The following ST6GALNAC2 variants were observed in gnomAD, a reference collection of about 807,000 sequenced individuals.
ST6GALNAC2 encodes the protein ST6 N-acetylgalactosaminide alpha-2,6-sialyltransferase 2.
A neutral mutation model predicts 38.7 loss-of-function variants in ST6GALNAC2; 42 were observed. The observed-to-expected ratio is 1.09, with a 90% CI of 0.85 to 1.40. The LOEUF (loss-of-function observed/expected upper bound fraction) is 1.40. ST6GALNAC2 is among the 40% of genes most tolerant of loss of function. The probability of loss-of-function intolerance (pLI) is 0.00; values close to 1 mark genes in which losing one functional copy is unlikely to be tolerated. For missense variants in ST6GALNAC2, 506 were observed against 481.7 expected (o/e 1.05, Z -0.47); for synonymous variants, 233 against 209.0 (o/e 1.11, Z -0.99).
rs1040031568 is a variant in ST6GALNAC2 at position 76,573,407 on chromosome 17, G to A, written c.362-44C>T. 4.8e-6 allele frequency: 7 copies of A among 1,463,180 alleles called. No homozygotes were observed. Among genetic ancestry groups the A allele is most frequent in the Middle Eastern group, 2.5e-4 (1 of 4,032 alleles). 90.6% of individuals were successfully genotyped at this position (1,463,180 alleles called of 1,614,324 possible). A position where few individuals can be genotyped will look rare whatever the true frequency, so the allele number is the denominator to read the frequency against. ...AGCAGCCATGAGGAGGGCTGGCATC[G>A]GGGGCACCTGGGGCCTTCCCTAGGC... On this transcript the variant is annotated intron_variant, in intron 3 of 8. Transcript: ENST00000225276. This position sits in a 1 kb window ranked among gnomAD's most constrained non-coding sequence, Gnocchi z 5.1.
At chr17:76,568,410 C>T (rs890283742) in intron 7 of ST6GALNAC2, 8 of 419,294 alleles carry the variant, frequency 1.9e-5, no homozygotes, top group African/African-American at 8.0e-5. Flanking sequence ...CTGCTGACGG[C>T]GCCACTGCTG....
At position 76,585,846 on chromosome 17, in the gene ST6GALNAC2, C is replaced by A; in HGVS notation, c.-38G>T. 6.6e-7 allele frequency: 1 copy of A among 1,514,340 alleles called. No homozygotes were observed. The highest frequency in any genetic ancestry group is 2.7e-5 in the East Asian group (1 of 37,198). 93.8% of individuals were successfully genotyped at this position (1,514,340 alleles called of 1,614,324 possible). A position where few individuals can be genotyped will look rare whatever the true frequency, so the allele number is the denominator to read the frequency against. On this transcript the variant is annotated 5_prime_UTR_variant, in exon 1 of 9. Coordinates refer to ENST00000225276, the MANE Select transcript of ST6GALNAC2 (RefSeq NM_006456.3). ...CGCGAGCGCCCCGTCCGCTGACGTC[C>A]CAGGCAGAAGGGAGAGAACCGGGTG...
At chr17:76,581,418 G>A (rs2075473878) in intron 1 of ST6GALNAC2, among the ~76,000 whole-genome samples, 1 of 152,052 alleles carries the variant, frequency 6.6e-6, no homozygotes, top group South Asian at 2.1e-4. Flanking sequence ...GGGGTCGGGG[G>A]AGGGCATTGG....
intron 8 of ST6GALNAC2, 64 bp from the exon 9 acceptor site, chr17:76,566,335 G>A: frequency 6.5e-7 from 1 of 1,547,996 alleles, no homozygotes; most frequent in Non-Finnish European, 8.9e-7. Context: ...ACACTTGGGT[G>A]AAGTGACATG....
intron 6 of ST6GALNAC2, 38 bp from the exon 7 acceptor site, chr17:76,568,834 C>A (rs1252103279): frequency 1.9e-6 from 3 of 1,604,928 alleles, no homozygotes; most frequent in South Asian, 2.2e-5. Context: ...GCGCCCAGAG[C>A]CGTCGTATTG....
intron 1 of ST6GALNAC2, among the ~76,000 whole-genome samples, chr17:76,583,383 A>AAAAAAAAAAAG (rs2075503171): frequency 6.6e-6 from 1 of 151,304 alleles, no homozygotes; most frequent in African/African-American, 2.4e-5. Flanking sequence ...CCCAAAAAAA[A>AAAAAAAAAAAG]AAAGAAGATA....
At chr17:76,582,162 GCCTTTTTTTTTTTTT>G (rs2075485303) in intron 1 of ST6GALNAC2, among the ~76,000 whole-genome samples, 2 of 114,842 alleles carry the variant, frequency 1.7e-5, no homozygotes, top group African/African-American at 3.2e-5. Context: ...ACCGTGCCCA[GCCTTTTTTTTTTTTT>G]TTTTTTTTTT....
chr17:76,584,611 G>GGACT (rs2075521741), intron 1 of ST6GALNAC2, among the ~76,000 whole-genome samples: 3 of 152,124 alleles, frequency 2.0e-5, no homozygotes, highest in African/African-American at 7.2e-5. Context: ...CAGAGTGCTG[G>GGACT]GACTACAGGC....
At position 76,566,269 on chromosome 17, in the gene ST6GALNAC2, G is replaced by C; in HGVS notation, c.960C>G (p.Val320=). ...LLTALHTCDQ[V]SAYGFITSNY... is the part of the protein sequence containing the mutation. The stretch of plus-strand genomic sequence containing the variant: ...TGCTTGTGATGAATCCATAGGCACT[G>C]ACCTGGGCAAGGATAGTCGCTGGAT... Residue 320 remains valine (V), a splice_region_variant and synonymous_variant, in exon 9 of 9, where the codon GTC becomes GTG. Coordinates refer to ENST00000225276, the MANE Select transcript of ST6GALNAC2 (RefSeq NM_006456.3). 6.2e-7 allele frequency: 1 copy of C among 1,614,078 alleles called. No individual in the cohort carries two copies. The highest frequency in any genetic ancestry group is 8.5e-7 in the Non-Finnish European group (1 of 1,179,996).
At chr17:76,571,782 C>T (rs761203570) in intron 5 of ST6GALNAC2, among the ~76,000 whole-genome samples, 8 of 152,126 alleles carry the variant, frequency 5.3e-5, no homozygotes, top group Non-Finnish European at 8.8e-5. Context: ...CCTGAGATCC[C>T]CTAACCCTGT....
At chr17:76,567,382 CAG>C (rs937280733) in intron 8 of ST6GALNAC2, 69 bp downstream of exon 8, 19 of 1,129,880 alleles carry the variant, frequency 1.7e-5, no homozygotes, top group Admixed American at 8.8e-5. Flanking sequence ...TAAGGGATAT[CAG>C]GGGATCCTGT....
chr17:76,570,427 T>G, intron 6 of ST6GALNAC2, 138 bp downstream of exon 6: 1 of 621,480 alleles, frequency 1.6e-6, no homozygotes, highest in Non-Finnish European at 2.9e-6. Flanking sequence ...TGGGGATGAT[T>G]GAATTCTTAG....
At chr17:76,576,938 C>T (rs1407051661) in intron 2 of ST6GALNAC2, among the ~76,000 whole-genome samples, 1 of 148,368 alleles carries the variant, frequency 6.7e-6, no homozygotes, top group African/African-American at 2.5e-5. Flanking sequence ...CCATTGCACT[C>T]CAGCCTGGGC....
At chr17:76,584,533 G>T (rs2075520541) in intron 1 of ST6GALNAC2, among the ~76,000 whole-genome samples, 1 of 152,176 alleles carries the variant, frequency 6.6e-6, no homozygotes. Context: ...AGGCTGGAAT[G>T]CAGTAGTGCA....
chr17:76,582,922 G>T (rs2143322978), intron 1 of ST6GALNAC2, among the ~76,000 whole-genome samples: 1 of 152,326 alleles, frequency 6.6e-6, no homozygotes, highest in South Asian at 2.1e-4. Context: ...CAGAGAAACA[G>T]CAGGAAAGGG....
chr17:76,574,249 G>T lies in ST6GALNAC2; in HGVS notation c.361+116C>A, dbSNP rs1169379366. The T allele has an allele frequency of 5.7e-6, 7 of 1,236,500 alleles. No homozygotes were observed. In the African/African-American group the frequency reaches 9.1e-5, roughly 16 times the overall value. 76.6% of individuals were successfully genotyped at this position (1,236,500 alleles called of 1,614,324 possible). ...CTGGGGCTTCTGGGAGGAGAGAGGG[G>T]GACAGGGAGACCTGGCATCACCAGT... is the stretch of plus-strand genomic sequence containing the variant. On this transcript the variant is annotated intron_variant, in intron 3 of 8. Transcript: ENST00000225276.
intron 6 of ST6GALNAC2, chr17:76,569,530 C>G: frequency 9.8e-6 from 2 of 205,030 alleles, no homozygotes; most frequent in Non-Finnish European, 1.6e-5. Flanking sequence ...GGAAGAGCCC[C>G]GAGTGGGGGA....
chr17:76,573,987 G>T lies in ST6GALNAC2; in HGVS notation c.361+378C>A, dbSNP rs1426134227. Among the ~76,000 whole-genome samples the T allele has an allele frequency of 6.6e-6, 1 of 152,136 alleles. No individual in the cohort carries two copies. Among genetic ancestry groups the T allele is most frequent in the Non-Finnish European group, 1.5e-5 (1 of 68,012 alleles). ...ATCGGAGGCCTGTGGGGGTTTGGGTGCAGGTATAATGTAGAGGGGGCTCTG... is the reference window on the plus strand; with the variant it reads ...ATCGGAGGCCTGTGGGGGTTTGGGTTCAGGTATAATGTAGAGGGGGCTCTG... On this transcript the variant is annotated intron_variant, in intron 3 of 8. Coordinates refer to ENST00000225276, the MANE Select transcript of ST6GALNAC2 (RefSeq NM_006456.3). The surrounding 1 kb of genome is among the most constrained non-coding windows in gnomAD (Gnocchi z 5.1).
At chr17:76,580,331 T>C (rs2075461052) in intron 1 of ST6GALNAC2, among the ~76,000 whole-genome samples, 1 of 151,870 alleles carries the variant, frequency 6.6e-6, no homozygotes, top group Admixed American at 6.6e-5. Flanking sequence ...GGCAGGAGAA[T>C]CGCTTGAAAC....
Sources: allele counts gnomAD v4.1 joint callset (sites outside exome capture counted in the v4.1 genomes callset), GRCh38; gene constraint gnomAD v4.1.1; non-coding constraint Gnocchi (gnomAD v3.1); transcripts MANE v1.5; gene names NCBI Gene and HGNC (gene_info 2026-07-23, HGNC 2026-07-21).